NFATC3: variants seen among roughly 807,000 people sequenced by gnomAD.
The protein encoded by NFATC3 is nuclear factor of activated T-cells, cytoplasmic 3.
A neutral mutation model predicts 98.6 loss-of-function variants in NFATC3; 46 were observed. That is an observed-to-expected ratio of 0.47 (90% CI 0.37 to 0.60). The LOEUF (loss-of-function observed/expected upper bound fraction) is 0.60, where lower values mean the gene tolerates loss of function less well. Among genes scored for constraint, NFATC3 ranks in the 20% least tolerant of loss-of-function variants. The pLI is 0.00. For missense variants in NFATC3, 1,256 were observed against 1,295.5 expected (o/e 0.97, Z 0.47); for synonymous variants, 512 against 472.2 (o/e 1.08, Z -1.09).
At chr16:68,213,423 A>G (rs1313454801) in intron 9 of NFATC3, among the ~76,000 whole-genome samples, 1 of 148,674 alleles carries the variant, frequency 6.7e-6, no homozygotes, top group Non-Finnish European at 1.5e-5. Context: ...TCAAAAAATA[A>G]ATAAATAAAT....
At chr16:68,196,222 A>T (rs576143105) in intron 9 of NFATC3, among the ~76,000 whole-genome samples, 1 of 151,746 alleles carries the variant, frequency 6.6e-6, no homozygotes, top group Non-Finnish European at 1.5e-5. Context: ...CAGGTTCAAG[A>T]GGTTCTCCTT....
chr16:68,114,849 A>G (rs1421870727), intron 1 of NFATC3, among the ~76,000 whole-genome samples: 1 of 152,146 alleles, frequency 6.6e-6, no homozygotes, highest in African/African-American at 2.4e-5. Flanking sequence ...CTGAGATTAC[A>G]GGCGTCAGCC....
rs2042050243 is a variant in NFATC3 at position 68,226,918 on chromosome 16, AAAAAAGAAAAAAAAAG to A, written c.*452_*467del. On this transcript the variant is annotated 3_prime_UTR_variant, in exon 10 of 10. Transcript: ENST00000346183. ...GAAGCAAAAAAAAAAAAAAAAAAAA[AAAAAAGAAAAAAAAAG>A]AAAAGAAAAAAAGAAAAAGAAAAAA... 1.7e-5 allele frequency: 2 copies of A among 117,312 alleles called. No individual in the cohort carries two copies. Among genetic ancestry groups the A allele is most frequent in the African/African-American group, 2.6e-5 (1 of 38,094 alleles). 7.3% of individuals were successfully genotyped at this position (117,312 alleles called of 1,614,324 possible).
At chr16:68,107,063 C>T (rs566488949) in intron 1 of NFATC3, among the ~76,000 whole-genome samples, 1 of 152,254 alleles carries the variant, frequency 6.6e-6, no homozygotes, top group South Asian at 2.1e-4. Context: ...TGGCTTCCAG[C>T]TCCATCCATG....
rs1397757510 is a variant in NFATC3 at position 68,092,226 on chromosome 16, C to T, written c.103+6442C>T. 1.1e-4 allele frequency among the ~76,000 whole-genome samples: 16 copies of T among 151,886 alleles called. No individual in the cohort carries two copies. In the Middle Eastern group the frequency reaches 0.01, roughly 97 times the overall value. ...ATCCCAGCACTTTGGGAGGCTGAGG[C>T]GGGTGGATCACCTGAGGTCAGGAGT... On this transcript the variant is annotated intron_variant, in intron 1 of 9. Transcript: ENST00000346183.
intron 1 of NFATC3, among the ~76,000 whole-genome samples, chr16:68,118,704 A>G (rs1382925736): frequency 6.6e-6 from 1 of 152,148 alleles, no homozygotes; most frequent in Non-Finnish European, 1.5e-5. Context: ...TTGTGTTCTT[A>G]TGCACAAATA....
At chr16:68,132,642 A>G (rs1389352335) in intron 3 of NFATC3, among the ~76,000 whole-genome samples, 2 of 152,254 alleles carry the variant, frequency 1.3e-5, no homozygotes, top group African/African-American at 4.8e-5. Context: ...ATGAATGAAT[A>G]AAGAAAATGT....
Position 68,190,934 on chromosome 16 carries a change from T to C in NFATC3, c.2265T>C (p.Tyr755=), listed in dbSNP as rs765156126. The change falls in exon 9 of 10, where the codon TAT becomes TAC. Residue 755 remains tyrosine, a synonymous_variant. Coordinates refer to ENST00000346183, the MANE Select transcript of NFATC3 (RefSeq NM_173165.3). ...RSLICSIPQT[Y]ASMVTSSHLP... ...TGATTTGCTCCATCCCACAAACATA[T>C]GCATCCATGGTGACCTCATCCCATC... 2.5e-6 allele frequency: 4 copies of C among 1,614,200 alleles called. No individual in the cohort carries two copies. In the Admixed American group the frequency reaches 5.0e-5, roughly 20 times the overall value.
intron 3 of NFATC3, 88 bp from the exon 4 acceptor site, chr16:68,157,781 A>C: frequency 8.0e-6 from 8 of 1,000,720 alleles, no homozygotes; most frequent in Non-Finnish European, 1.2e-5. Flanking sequence ...AGTATATGAT[A>C]GAGATATAAT....
At chr16:68,207,754 G>A (rs1017980731) in intron 9 of NFATC3, among the ~76,000 whole-genome samples, 4 of 152,040 alleles carry the variant, frequency 2.6e-5, no homozygotes, top group Non-Finnish European at 4.4e-5. Context: ...GAGCCACCAA[G>A]CCCAGCCTCC....
intron 9 of NFATC3, among the ~76,000 whole-genome samples, chr16:68,219,122 AC>A (rs1251612837): frequency 6.6e-6 from 1 of 151,694 alleles, no homozygotes; most frequent in Non-Finnish European, 1.5e-5. Flanking sequence ...GCGGTGGCTC[AC>A]GCCTGTAATC....
At chr16:68,089,822 A>G (rs573006529) in intron 1 of NFATC3, among the ~76,000 whole-genome samples, 2 of 152,290 alleles carry the variant, frequency 1.3e-5, no homozygotes, top group East Asian at 1.9e-4. Flanking sequence ...TCAGAGTTTC[A>G]TTCTCAGGGT....
At chr16:68,175,744 G>A (rs556375213) in intron 6 of NFATC3, among the ~76,000 whole-genome samples, 4 of 151,976 alleles carry the variant, frequency 2.6e-5, no homozygotes, top group Non-Finnish European at 5.9e-5. Context: ...ATTTTTGGTA[G>A]ACACGGGATT....
intron 1 of NFATC3, among the ~76,000 whole-genome samples, chr16:68,101,006 A>T (rs977205731): frequency 2.6e-5 from 4 of 151,948 alleles, no homozygotes; most frequent in Non-Finnish European, 5.9e-5. Flanking sequence ...TTCTATTAAT[A>T]GTATCTTTTG....
chr16:68,221,275 G>A (rs1330327903), intron 9 of NFATC3: 1 of 1,614,058 alleles, frequency 6.2e-7, no homozygotes, highest in Non-Finnish European at 8.5e-7. Context: ...GATATCTGAG[G>A]AATCTAGAGG....
At chr16:68,177,643 T>C (rs1651192401) in intron 6 of NFATC3, among the ~76,000 whole-genome samples, 1 of 152,144 alleles carries the variant, frequency 6.6e-6, no homozygotes, top group Non-Finnish European at 1.5e-5. Flanking sequence ...CATTCTTTTG[T>C]CTTTTTAAAA....
intron 2 of NFATC3, 40 bp downstream of exon 2, chr16:68,123,161 T>G (rs2036637784): frequency 6.4e-7 from 1 of 1,554,738 alleles, no homozygotes; most frequent in Non-Finnish European, 8.6e-7. Flanking sequence ...TTTTCATGTT[T>G]ATGGGTCATT....
chr16:68,097,164 G>A (rs2035061830), intron 1 of NFATC3, among the ~76,000 whole-genome samples: 1 of 152,256 alleles, frequency 6.6e-6, no homozygotes, highest in African/African-American at 2.4e-5. Flanking sequence ...GTCAGTTGTG[G>A]TAGGAGAATT....
At chr16:68,213,880 T>C (rs1244025987) in intron 9 of NFATC3, among the ~76,000 whole-genome samples, 1 of 152,234 alleles carries the variant, frequency 6.6e-6, no homozygotes, top group African/African-American at 2.4e-5. Flanking sequence ...TATAGTTTTC[T>C]GGGCTGCTAC....
Sources: allele counts gnomAD v4.1 joint callset (sites outside exome capture counted in the v4.1 genomes callset), GRCh38; gene constraint gnomAD v4.1.1; transcripts MANE v1.5; gene names NCBI Gene and HGNC (gene_info 2026-07-23, HGNC 2026-07-21).